SLC8A1: variants seen among roughly 807,000 people sequenced by gnomAD.
SLC8A1 encodes solute carrier family 8 member A1.
SLC8A1 carries 18 observed loss-of-function variants against 68.3 expected under a neutral mutation model. That is an observed-to-expected ratio of 0.26 (90% CI 0.18 to 0.39). The LOEUF is 0.39. SLC8A1 is among the 10% of genes least tolerant of loss of function. SLC8A1 has a pLI of 1.00. For missense variants in SLC8A1, 985 were observed against 1,156.7 expected, an observed-to-expected ratio of 0.85 and a Z score of 2.15; for synonymous variants, 475 against 415.5, an observed-to-expected ratio of 1.14 and a Z score of -1.74.
At chr2:40,486,663 C>A (rs6754468) in intron 1 of SLC8A1, among the ~76,000 whole-genome samples, 10 of 151,730 alleles carry the variant, frequency 6.6e-5, no homozygotes, top group African/African-American at 2.2e-4. Context: ...ATATGTCTAA[C>A]CACACCATGT....
chr2:40,225,743 G>A (rs2148867365), intron 2 of SLC8A1, among the ~76,000 whole-genome samples: 1 of 152,266 alleles, frequency 6.6e-6, no homozygotes. Context: ...CAGATGGGGA[G>A]GTGAAAGCCC....
intron 2 of SLC8A1, among the ~76,000 whole-genome samples, chr2:40,275,989 T>C (rs541672982): frequency 4.5e-4 from 68 of 152,264 alleles, no homozygotes; most frequent in African/African-American, 1.6e-3. Flanking sequence ...ATCAGTAGAG[T>C]TGACTAAACA....
In SLC8A1 at chr2:40,441,336, C is replaced by A. The variant is rs763616106; in HGVS notation, c.-25+10568G>T. ...ATAGGAACAATCAATATTGTGAAAG[C>A]AATTTATAGATACAATGCTATTCCC... On this transcript the variant is annotated intron_variant, in intron 1 of 7. Coordinates refer to ENST00000406785, the Ensembl canonical transcript of SLC8A1. 3.4e-5 allele frequency among the ~76,000 whole-genome samples: 5 copies of A among 147,470 alleles called. No individual in the cohort carries two copies. The South Asian group carries it at 1.1e-3, about 33-fold the overall frequency.
At chr2:40,490,775 G>C (rs1297806876) in intron 1 of SLC8A1, among the ~76,000 whole-genome samples, 1 of 151,978 alleles carries the variant, frequency 6.6e-6, no homozygotes, top group East Asian at 1.9e-4. Context: ...CTAGTGAAAA[G>C]AATCAAAAAT....
intron 1 of SLC8A1, among the ~76,000 whole-genome samples, chr2:40,488,564 G>C (rs1299351255): frequency 6.6e-6 from 1 of 152,064 alleles, no homozygotes; most frequent in African/African-American, 2.4e-5. Context: ...TCATATGACA[G>C]TGTGCTTTTG....
chr2:40,172,890 C>T (rs986883332), intron 4 of SLC8A1, among the ~76,000 whole-genome samples: 19 of 152,002 alleles, frequency 1.2e-4, no homozygotes, highest in Non-Finnish European at 8.8e-5. Flanking sequence ...TGCAGTGAGC[C>T]GAGATCGCGC....
intron 2 of SLC8A1, among the ~76,000 whole-genome samples, chr2:40,242,698 C>G (rs2061377065): frequency 6.6e-6 from 1 of 152,104 alleles, no homozygotes; most frequent in African/African-American, 2.4e-5. Context: ...AAACCAAAAT[C>G]CAGAGATTTT....
At position 40,273,358 on chromosome 2, in the gene SLC8A1, G is replaced by A. The variant is rs569520214; in HGVS notation, c.1809-95503C>T. The stretch of plus-strand genomic sequence containing the variant: ...TCCACCCGCCTCGGCTTCCCAAAGC[G>A]CTGGGATTACAGGCACTAGCCACCA... On this transcript the variant is annotated intron_variant, in intron 2 of 7. Coordinates refer to ENST00000406785, the Ensembl canonical transcript of SLC8A1. Among the ~76,000 whole-genome samples the A allele has an allele frequency of 9.2e-5, 14 of 152,026 alleles. No individual in the cohort carries two copies. The South Asian group carries it at 1.0e-3, about 11-fold the overall frequency.
intron 2 of SLC8A1, chr2:40,189,987 TC>T (rs1429617776): frequency 2.0e-5 from 3 of 152,144 alleles, no homozygotes; most frequent in Admixed American, 1.3e-4. Context: ...AAGGAGAAAT[TC>T]TCTCCTCGGT....
rs188388907 is a variant in SLC8A1 at position 40,435,686 on chromosome 2, A to C, written c.-24-5382T>G. Among the ~76,000 whole-genome samples the C allele has an allele frequency of 4.3e-3, 662 of 152,298 alleles. 6 individuals carry two copies. The highest frequency in any genetic ancestry group is 7.6e-3 in the Non-Finnish European group (515 of 68,012). On this transcript the variant is annotated intron_variant, in intron 1 of 7. Transcript: ENST00000406785. The stretch of plus-strand genomic sequence containing the variant: ...TGGTCACAAAAGGAAAGATAGACTT[A>C]GGATATAAAATAACGAAGTTGTTGA...
At chr2:40,238,569 G>C (rs1026464926) in intron 2 of SLC8A1, among the ~76,000 whole-genome samples, 1 of 152,170 alleles carries the variant, frequency 6.6e-6, no homozygotes, top group Non-Finnish European at 1.5e-5. Flanking sequence ...CGTCTTCTGC[G>C]TCGCTCACGC....
At chr2:40,393,986 C>A (rs1040611903) in intron 2 of SLC8A1, among the ~76,000 whole-genome samples, 4 of 152,042 alleles carry the variant, frequency 2.6e-5, no homozygotes, top group Admixed American at 2.6e-4. Context: ...TGGTGACTTG[C>A]CCCTTAGGTG....
chr2:40,251,088 G>A (rs2149027477), intron 2 of SLC8A1: 1 of 152,114 alleles, frequency 6.6e-6, no homozygotes, highest in East Asian at 1.9e-4. Flanking sequence ...ATTTTTTTAA[G>A]AGCCCCTGAA....
chr2:40,423,630 A>G (rs1245034963), intron 2 of SLC8A1, among the ~76,000 whole-genome samples: 1 of 152,008 alleles, frequency 6.6e-6, no homozygotes, highest in Non-Finnish European at 1.5e-5. Flanking sequence ...CTAAGACAAA[A>G]TTCCTTTACA....
rs144651012 is a variant in SLC8A1 at position 40,294,122 on chromosome 2, A to G, written c.1809-116267T>C. 6.3e-3 allele frequency among the ~76,000 whole-genome samples: 953 copies of G among 152,260 alleles called. 6 individuals carry two copies. The highest frequency in any genetic ancestry group is 9.4e-3 in the Non-Finnish European group (641 of 67,998). On this transcript the variant is annotated intron_variant, in intron 2 of 7. Transcript: ENST00000406785. ...CTTTATGCTCAAAATGGACAAGGAG[A>G]CTATTATGTGTATTCTTTGATGCAG...
intron 2 of SLC8A1, among the ~76,000 whole-genome samples, chr2:40,238,107 C>T (rs1574509491): frequency 6.6e-6 from 1 of 152,034 alleles, no homozygotes; most frequent in Non-Finnish European, 1.5e-5. Context: ...GGCAGGCAGG[C>T]CTCCTTGAGC....
intron 2 of SLC8A1, among the ~76,000 whole-genome samples, chr2:40,268,170 T>TTG (rs1559032977): frequency 1.3e-5 from 2 of 152,102 alleles, no homozygotes; most frequent in African/African-American, 2.4e-5. Flanking sequence ...TTCCACTCCA[T>TTG]TGTGTGTGTG....
intron 2 of SLC8A1, among the ~76,000 whole-genome samples, chr2:40,316,428 T>C (rs1028500752): frequency 6.6e-6 from 1 of 152,032 alleles, no homozygotes; most frequent in Non-Finnish European, 1.5e-5. Context: ...AATTTGAACG[T>C]CGTATAGGAA....
chr2:40,176,503 C>G (rs1023296210), intron 3 of SLC8A1, among the ~76,000 whole-genome samples: 2 of 152,094 alleles, frequency 1.3e-5, no homozygotes, highest in Non-Finnish European at 2.9e-5. Context: ...CTTCTGTCTA[C>G]CATCTATGGA....
Sources: gnomAD v4.1 joint callset for allele counts (sites outside exome capture counted in the v4.1 genomes callset) on GRCh38, gnomAD v4.1.1 for gene constraint, MANE v1.5 for transcripts, NCBI Gene and HGNC (gene_info 2026-07-23, HGNC 2026-07-21) for gene names.